Variants in RBM26 observed in about 807,000 individuals in gnomAD.
RBM26 encodes RNA-binding protein 26.
In RBM26, 30 loss-of-function variants were observed where a neutral mutation model predicts 123.6. The ratio of observed to expected loss-of-function variants is 0.24; its 90% CI spans 0.18 to 0.33. RBM26 has a LOEUF of 0.33. RBM26 is among the 10% of genes least tolerant of loss of function. The pLI is 1.00. For synonymous variants in RBM26, 400 were observed against 404.4 expected (o/e 0.99, Z 0.13); for missense variants, 947 against 1,203.6 (o/e 0.79, Z 3.15).
chr13:79,359,506 A>AT, intron 10 of RBM26, 69 bp downstream of exon 10: 1 of 739,410 alleles, frequency 1.4e-6, no homozygotes, highest in Non-Finnish European at 2.3e-6. Context: ...CCATATTGTC[A>AT]TAATAATACA....
intron 1 of RBM26, among the ~76,000 whole-genome samples, chr13:79,384,979 C>T (rs894911942): frequency 5.9e-5 from 9 of 152,148 alleles, no homozygotes; most frequent in Non-Finnish European, 1.3e-4. Context: ...TTAACCCAAG[C>T]TTCCATGTTC....
intron 13 of RBM26, 87 bp downstream of exon 13, chr13:79,354,344 GTAAAATAT>G: frequency 9.4e-7 from 1 of 1,059,054 alleles, no homozygotes; most frequent in Non-Finnish European, 1.3e-6. Context: ...ATATTTCTAT[GTAAAATAT>G]ATACAATTAA....
intron 20 of RBM26, 73 bp downstream of exon 20, chr13:79,334,271 T>C: frequency 1.2e-6 from 1 of 843,722 alleles, no homozygotes; most frequent in South Asian, 1.8e-5. Context: ...AAAAAATTCA[T>C]TTATATTAAA....
intron 14 of RBM26, among the ~76,000 whole-genome samples, chr13:79,347,864 AAC>A (rs1487917205): frequency 1.3e-5 from 2 of 152,128 alleles, no homozygotes; most frequent in East Asian, 1.9e-4. Flanking sequence ...CTCAAGGAAA[AAC>A]AGTCAATATT....
intron 3 of RBM26, chr13:79,376,356 T>C (rs2076670487): frequency 6.6e-6 from 1 of 152,582 alleles, no homozygotes; most frequent in Non-Finnish European, 1.5e-5. Context: ...CCATCACACC[T>C]GGCTAATTTT....
chr13:79,365,486 C>T, intron 9 of RBM26, 92 bp downstream of exon 9: 1 of 990,938 alleles, frequency 1.0e-6, no homozygotes, highest in Non-Finnish European at 1.5e-6. Context: ...CCTTATCCAA[C>T]CCCAATAAAG....
At chr13:79,389,248 C>T (rs1313590192) in intron 1 of RBM26, among the ~76,000 whole-genome samples, 1 of 152,032 alleles carries the variant, frequency 6.6e-6, no homozygotes, top group African/African-American at 2.4e-5. Context: ...CATCATAAAA[C>T]AAGTTCCTCT....
intron 19 of RBM26, among the ~76,000 whole-genome samples, chr13:79,336,853 A>G (rs1287346533): frequency 6.6e-6 from 1 of 152,220 alleles, no homozygotes; most frequent in South Asian, 2.1e-4. Context: ...CTGAAACAGC[A>G]AAGTTTATAT....
rs1376418203 is a variant in RBM26 at position 79,390,407 on chromosome 13, T to TA, written c.72-11501dup. Reference sequence around the variant, plus strand: ...CAACAGGTAATACTAATATATAGTGTAAAAAAGGCAGAACACTGCTTTCTT... The same window carrying TA: ...CAACAGGTAATACTAATATATAGTGTAAAAAAAGGCAGAACACTGCTTTCTT... On this transcript the variant is annotated intron_variant, in intron 1 of 21. Coordinates refer to ENST00000438737, the MANE Select transcript of RBM26 (RefSeq NM_001366735.2). 3.3e-5 allele frequency among the ~76,000 whole-genome samples: 5 copies of TA among 152,206 alleles called. No individual in the cohort carries two copies. The East Asian group carries it at 9.6e-4, about 29-fold the overall frequency.
At chr13:79,327,254 C>T (rs1007692581) in intron 20 of RBM26, among the ~76,000 whole-genome samples, 3 of 148,658 alleles carry the variant, frequency 2.0e-5, no homozygotes, top group Non-Finnish European at 4.4e-5. Context: ...TGTGATCAGA[C>T]CACTGCACTC....
intron 14 of RBM26, among the ~76,000 whole-genome samples, chr13:79,346,742 T>G (rs2072403386): frequency 6.6e-6 from 1 of 152,126 alleles, no homozygotes; most frequent in Non-Finnish European, 1.5e-5. Flanking sequence ...AGAGAAAAAT[T>G]TCTTCCATGC....
At chr13:79,394,783 A>G (rs947142487) in intron 1 of RBM26, among the ~76,000 whole-genome samples, 15 of 152,122 alleles carry the variant, frequency 9.9e-5, no homozygotes, top group African/African-American at 1.9e-4. Context: ...ACAGGCACCC[A>G]TAACAACACC....
At chr13:79,377,970 C>A (rs902464983) in intron 2 of RBM26, among the ~76,000 whole-genome samples, 6 of 152,034 alleles carry the variant, frequency 3.9e-5, no homozygotes, top group Admixed American at 3.3e-4. Context: ...CTAATATCAA[C>A]AGCTTCCCAA....
At chr13:79,392,023 T>C (rs2078057475) in intron 1 of RBM26, among the ~76,000 whole-genome samples, 1 of 100,898 alleles carries the variant, frequency 9.9e-6, no homozygotes. Flanking sequence ...TATACATTAT[T>C]ATATAATTAT....
chr13:79,403,106 T>A (rs537051626), intron 1 of RBM26, among the ~76,000 whole-genome samples: 255 of 149,440 alleles, frequency 1.7e-3, no homozygotes, highest in Non-Finnish European at 2.9e-3. Flanking sequence ...AAAAAAAAAA[T>A]TCCTTTTAGA....
chr13:79,318,806 C>A (rs2067382394), downstream of RBM26: 1 of 983,818 alleles, frequency 1.0e-6, no homozygotes. Context: ...GAAAGATTTA[C>A]TTTCTTTGTA....
chr13:79,378,450 ATTTT>A (rs928788833), intron 2 of RBM26, among the ~76,000 whole-genome samples: 4 of 151,758 alleles, frequency 2.6e-5, no homozygotes, highest in African/African-American at 9.7e-5. Flanking sequence ...AACTTTATTT[ATTTT>A]TTTTGAGATG....
intron 7 of RBM26, 131 bp downstream of exon 7, chr13:79,366,502 T>G (rs2075282265): frequency 8.5e-6 from 8 of 939,002 alleles, no homozygotes; most frequent in East Asian, 5.4e-5. Context: ...CAAATGGAAG[T>G]ATACTGCTAT....
chr13:79,405,800 ACTC>A lies in RBM26; in HGVS notation c.-29_-27del. Reference sequence around the variant, plus strand: ...CCACAGCGGCCCTAAGGCCCGTCACACTCCTCCGCCCGCCCAGGTCGCGGCCGC... The same window carrying A: ...CCACAGCGGCCCTAAGGCCCGTCACACTCCGCCCGCCCAGGTCGCGGCCGC... On this transcript the variant is annotated 5_prime_UTR_variant, in exon 1 of 22. Coordinates refer to ENST00000438737, the MANE Select transcript of RBM26 (RefSeq NM_001366735.2). The A allele has an allele frequency of 8.9e-6, 13 of 1,465,930 alleles. No individual in the cohort carries two copies. Among genetic ancestry groups the A allele is most frequent in the Non-Finnish European group, 1.2e-5 (13 of 1,085,814 alleles). The allele number at this position is 1,465,930 out of a possible 1,614,324, so 90.8% of individuals were successfully genotyped here. A position where few individuals can be genotyped will look rare whatever the true frequency, so the allele number is the denominator to read the frequency against.
Sources: gnomAD v4.1 joint callset for allele counts (sites outside exome capture counted in the v4.1 genomes callset) on GRCh38, gnomAD v4.1.1 for gene constraint, MANE v1.5 for transcripts, NCBI Gene and HGNC (gene_info 2026-07-23, HGNC 2026-07-21) for gene names.